The following CDH12 variants were observed in gnomAD, a reference collection of about 807,000 sequenced individuals.
CDH12 encodes cadherin-12.
CDH12 carries 41 observed loss-of-function variants against 74.1 expected under a neutral mutation model. That is an observed-to-expected ratio of 0.55 (90% CI 0.43 to 0.72). CDH12 has a LOEUF of 0.72. Among genes scored for constraint, CDH12 ranks in the 30% least tolerant of loss-of-function variants. The pLI is 0.00. For synonymous variants in CDH12, 399 were observed against 355.0 expected (o/e 1.12, Z -1.39); for missense variants, 945 against 977.2 (o/e 0.97, Z 0.44).
chr5:22,240,061 A>G (rs1561247433), intron 3 of CDH12, among the ~76,000 whole-genome samples: 1 of 152,168 alleles, frequency 6.6e-6, no homozygotes, highest in Non-Finnish European at 1.5e-5. Context: ...CATTTTATAG[A>G]TAGTTATATG....
intron 6 of CDH12, chr5:21,884,273 GGGTGGAATGGGA>G: frequency 6.8e-7 from 1 of 1,462,342 alleles, no homozygotes. Context: ...TGGGTGCAAT[GGGTGGAATGGGA>G]GGTGGTATGG....
chr5:21,781,929 A>G (rs970945134), intron 11 of CDH12, among the ~76,000 whole-genome samples: 1 of 152,224 alleles, frequency 6.6e-6, no homozygotes, highest in African/African-American at 2.4e-5. Flanking sequence ...AAATGTAGTT[A>G]CTTTTAATAA....
At chr5:22,556,281 G>T (rs575266998) in intron 1 of CDH12, among the ~76,000 whole-genome samples, 1 of 151,984 alleles carries the variant, frequency 6.6e-6, no homozygotes, top group Non-Finnish European at 1.5e-5. Context: ...ATGAAGTAAG[G>T]CTATGGGCAA....
At position 22,698,713 on chromosome 5, in the gene CDH12, ATATATATATATATATATATATAGT is replaced by A. The variant is rs1381699093; in HGVS notation, c.-523+154321_-523+154344del. Reference sequence around the variant, plus strand: ...TATATATATATATATATATATATATATATATATATATATATATATATAGTGTGTGTGTGTGTGTGTGTGTGTGTG... The same window carrying A: ...TATATATATATATATATATATATATAGTGTGTGTGTGTGTGTGTGTGTGTG... On this transcript the variant is annotated intron_variant, in intron 1 of 14. Transcript: ENST00000382254. Among the ~76,000 whole-genome samples, 25 of 23,780 alleles carry A rather than the reference ATATATATATATATATATATATAGT, an allele frequency of 1.1e-3. 2 individuals carry two copies. Among genetic ancestry groups the A allele is most frequent in the East Asian group, 1.6e-3 (1 of 638 alleles). The allele number at this position is 23,780 out of a possible 152,430, so 15.6% of individuals were successfully genotyped here. A position where few individuals can be genotyped will look rare whatever the true frequency, so the allele number is the denominator to read the frequency against.
intron 3 of CDH12, among the ~76,000 whole-genome samples, chr5:22,316,404 A>T (rs1244818688): frequency 6.6e-6 from 1 of 152,166 alleles, no homozygotes; most frequent in Non-Finnish European, 1.5e-5. Flanking sequence ...CATTCTTCAT[A>T]TTCTACTAGT....
intron 3 of CDH12, among the ~76,000 whole-genome samples, chr5:22,216,991 T>A (rs951357239): frequency 1.3e-5 from 2 of 151,836 alleles, no homozygotes; most frequent in African/African-American, 2.4e-5. Context: ...TTCTACCTAA[T>A]TCAGAAATAA....
chr5:22,739,153 GA>G (rs1222894941), intron 1 of CDH12, among the ~76,000 whole-genome samples: 1 of 151,896 alleles, frequency 6.6e-6, no homozygotes, highest in Non-Finnish European at 1.5e-5. Context: ...TGGTTTCAAT[GA>G]GAATTTTCAT....
chr5:21,759,776 A>G (rs1481485325), intron 13 of CDH12, among the ~76,000 whole-genome samples: 1 of 151,998 alleles, frequency 6.6e-6, no homozygotes, highest in East Asian at 1.9e-4. Flanking sequence ...GTATTATTTC[A>G]TCACCCAGGT....
chr5:22,038,856 A>C lies in CDH12; in HGVS notation c.231+39590T>G, dbSNP rs527637841. On this transcript the variant is annotated intron_variant, in intron 5 of 14. Transcript: ENST00000382254. ...GTGGTACCCCACATCCCAGAAAACC[A>C]GAACACCAACTAGGCTAAAATGCCC... 2.6e-5 allele frequency among the ~76,000 whole-genome samples: 4 copies of C among 152,304 alleles called. No individual in the cohort carries two copies. The South Asian group carries it at 8.3e-4, about 32-fold the overall frequency.
At chr5:22,569,770 A>G (rs1739456662) in intron 1 of CDH12, among the ~76,000 whole-genome samples, 1 of 152,146 alleles carries the variant, frequency 6.6e-6, no homozygotes. Context: ...TTCTAACTCT[A>G]GTTTTTTTGC....
chr5:22,123,358 C>A (rs1329841000), intron 4 of CDH12, among the ~76,000 whole-genome samples: 3 of 152,160 alleles, frequency 2.0e-5, no homozygotes, highest in Non-Finnish European at 4.4e-5. Context: ...TGTTAGTAAA[C>A]CACCTAGTCT....
chr5:22,754,431 T>C (rs1745773245), intron 1 of CDH12, among the ~76,000 whole-genome samples: 3 of 151,932 alleles, frequency 2.0e-5, no homozygotes, highest in East Asian at 1.9e-4. Flanking sequence ...TGGTGAGTAA[T>C]ACAGATGGTG....
intron 2 of CDH12, among the ~76,000 whole-genome samples, chr5:22,491,683 A>C (rs146294278): frequency 1.3e-5 from 2 of 152,246 alleles, no homozygotes; most frequent in Admixed American, 6.5e-5. Context: ...AAGTTTACAA[A>C]TTTGTGTTGG....
chr5:21,960,696 C>T (rs1016192121), intron 6 of CDH12, among the ~76,000 whole-genome samples: 1 of 151,948 alleles, frequency 6.6e-6, no homozygotes, highest in African/African-American at 2.4e-5. Context: ...ATACAAATGA[C>T]TTATACACAC....
chr5:22,019,909 C>CCTG (rs2150160096), intron 5 of CDH12, among the ~76,000 whole-genome samples: 1 of 152,210 alleles, frequency 6.6e-6, no homozygotes, highest in East Asian at 1.9e-4. Context: ...CCAAGAAATG[C>CCTG]CTGCACTAAG....
intron 3 of CDH12, among the ~76,000 whole-genome samples, chr5:22,319,212 C>T (rs547978828): frequency 1.3e-5 from 2 of 152,204 alleles, no homozygotes; most frequent in South Asian, 4.1e-4. Context: ...GATGGGTGCT[C>T]CAGTTATATG....
intron 3 of CDH12, among the ~76,000 whole-genome samples, chr5:22,276,654 A>G (rs1310069369): frequency 6.6e-6 from 1 of 152,192 alleles, no homozygotes; most frequent in Non-Finnish European, 1.5e-5. Flanking sequence ...ATGAAGTACT[A>G]GGACTATTTT....
chr5:21,883,454 G>C, intron 6 of CDH12: 1 of 1,610,592 alleles, frequency 6.2e-7, no homozygotes, highest in East Asian at 2.2e-5. Context: ...CACTCATCTT[G>C]AATAGGCTAA....
At position 22,705,116 on chromosome 5, in the gene CDH12, C is replaced by CATATATAT. The variant is rs71609776; in HGVS notation, c.-523+147934_-523+147941dup. Among the ~76,000 whole-genome samples the CATATATAT allele has an allele frequency of 8.2e-3, 1,033 of 126,080 alleles. 11 individuals are homozygous for CATATATAT. The highest frequency in any genetic ancestry group is 0.018 in the South Asian group (65 of 3,514). The allele number at this position is 126,080 out of a possible 152,430, so 82.7% of individuals were successfully genotyped here. On this transcript the variant is annotated intron_variant, in intron 1 of 14. Coordinates refer to ENST00000382254, the MANE Select transcript of CDH12 (RefSeq NM_004061.5). ...TCTCAGTCATATTTCCCCACCCAGT[C>CATATATAT]ATATATATATATATACACACACACA...
Sources: gnomAD v4.1 joint callset for allele counts (sites outside exome capture counted in the v4.1 genomes callset) on GRCh38, gnomAD v4.1.1 for gene constraint, MANE v1.5 for transcripts, NCBI Gene and HGNC (gene_info 2026-07-23, HGNC 2026-07-21) for gene names.